The following NKAIN2 variants were observed in gnomAD, a reference collection of about 807,000 sequenced individuals.
NKAIN2 encodes sodium/potassium-transporting ATPase subunit beta-1-interacting protein 2.
In NKAIN2, 14 loss-of-function variants were observed where a neutral mutation model predicts 32.6. The ratio of observed to expected loss-of-function variants is 0.43; its 90% CI spans 0.28 to 0.67. The LOEUF (loss-of-function observed/expected upper bound fraction) is 0.67, where lower values mean the gene tolerates loss of function less well. NKAIN2 is among the 30% of genes least tolerant of loss of function. The pLI is 0.17. For missense variants in NKAIN2, 198 were observed against 258.3 expected (o/e 0.77, Z 1.60); for synonymous variants, 80 against 87.2 (o/e 0.92, Z 0.46).
intron 1 of NKAIN2, among the ~76,000 whole-genome samples, chr6:123,985,964 T>A (rs1779118704): frequency 6.6e-6 from 1 of 152,178 alleles, no homozygotes; most frequent in Admixed American, 6.5e-5. Context: ...CTGGATAGTG[T>A]GTAAGAGGGG....
chr6:124,668,474 A>G (rs1772926788), intron 4 of NKAIN2, among the ~76,000 whole-genome samples: 1 of 152,058 alleles, frequency 6.6e-6, no homozygotes, highest in Non-Finnish European at 1.5e-5. Flanking sequence ...TCTTCTAGCA[A>G]TTCGTCTTTA....
intron 1 of NKAIN2, among the ~76,000 whole-genome samples, chr6:124,252,084 T>C (rs1793713748): frequency 6.6e-6 from 1 of 152,038 alleles, no homozygotes; most frequent in Admixed American, 6.6e-5. Context: ...AGAATATACA[T>C]ATAACGGTAA....
intron 1 of NKAIN2, among the ~76,000 whole-genome samples, chr6:123,885,984 T>G (rs953137453): frequency 2.2e-4 from 33 of 147,546 alleles, no homozygotes; most frequent in African/African-American, 7.7e-4. Context: ...TCCCCCCAAC[T>G]AGAAGAATAC....
intron 3 of NKAIN2, among the ~76,000 whole-genome samples, chr6:124,533,323 T>C (rs2114826026): frequency 6.6e-6 from 1 of 151,836 alleles, no homozygotes; most frequent in East Asian, 2.0e-4. Context: ...TACAAAAAAA[T>C]TAGCCGGGCA....
chr6:123,871,069 C>T (rs1236859004), intron 1 of NKAIN2, among the ~76,000 whole-genome samples: 1 of 152,048 alleles, frequency 6.6e-6, no homozygotes, highest in Non-Finnish European at 1.5e-5. Flanking sequence ...ATTCATTTCC[C>T]ACAACAAGAA....
At chr6:123,986,137 A>G (rs1779124356) in intron 1 of NKAIN2, among the ~76,000 whole-genome samples, 1 of 152,216 alleles carries the variant, frequency 6.6e-6, no homozygotes. Context: ...AACATGCTAC[A>G]GAAAAATAAT....
At chr6:124,572,732 A>G (rs1385313860) in intron 3 of NKAIN2, among the ~76,000 whole-genome samples, 1 of 152,252 alleles carries the variant, frequency 6.6e-6, no homozygotes, top group African/African-American at 2.4e-5. Context: ...ATCAATATCA[A>G]GATATTTTAT....
Position 124,809,033 on chromosome 6 carries a change from A to G in NKAIN2, c.536-9354A>G, listed in dbSNP as rs562930623. Reference sequence around the variant, plus strand: ...CCATGCTCATGGGTAAGAAGAATCAATATGGTGAAAATGGCCATACTGCCC... The same window carrying G: ...CCATGCTCATGGGTAAGAAGAATCAGTATGGTGAAAATGGCCATACTGCCC... On this transcript the variant is annotated intron_variant, in intron 5 of 6. Transcript: ENST00000368417. Among the ~76,000 whole-genome samples, 814 of 152,366 alleles carry G rather than the reference A, an allele frequency of 5.3e-3. 3 individuals are homozygous for G. Among genetic ancestry groups the G allele is most frequent in the African/African-American group, 0.013 (561 of 41,576 alleles).
At chr6:124,239,711 C>T (rs1043358353) in intron 1 of NKAIN2, among the ~76,000 whole-genome samples, 4 of 152,102 alleles carry the variant, frequency 2.6e-5, no homozygotes, top group African/African-American at 9.7e-5. Context: ...AACAAAGACA[C>T]AATGTACTAG....
At chr6:124,610,673 C>T (rs1010147308) in intron 3 of NKAIN2, among the ~76,000 whole-genome samples, 2 of 152,172 alleles carry the variant, frequency 1.3e-5, no homozygotes, top group Non-Finnish European at 2.9e-5. Context: ...GTCCTTATGT[C>T]TCAAATGCAA....
chr6:123,870,616 T>C (rs1282303228), intron 1 of NKAIN2, among the ~76,000 whole-genome samples: 1 of 152,220 alleles, frequency 6.6e-6, no homozygotes, highest in Non-Finnish European at 1.5e-5. Flanking sequence ...TGGAGATATA[T>C]ATTAAACACT....
intron 1 of NKAIN2, among the ~76,000 whole-genome samples, chr6:124,219,635 C>A (rs963427227): frequency 2.0e-5 from 3 of 151,974 alleles, no homozygotes; most frequent in African/African-American, 7.3e-5. Flanking sequence ...AAGATATAAG[C>A]AACAGGTAAA....
intron 4 of NKAIN2, among the ~76,000 whole-genome samples, chr6:124,724,702 T>A (rs1017003457): frequency 1.1e-3 from 164 of 152,348 alleles, no homozygotes; most frequent in African/African-American, 3.6e-3. Flanking sequence ...AGGATGAGGA[T>A]TATGTTTCAT....
At chr6:124,711,544 C>T (rs2114605570) in intron 4 of NKAIN2, among the ~76,000 whole-genome samples, 1 of 150,982 alleles carries the variant, frequency 6.6e-6, no homozygotes, top group African/African-American at 2.4e-5. Flanking sequence ...CTCTAAACTT[C>T]CCTTCTCGCT....
At position 124,623,389 on chromosome 6, in the gene NKAIN2, C is replaced by T. The variant is rs571370450; in HGVS notation, c.274-34797C>T. ...CAGGAAACTCTCTATGCATGTGTGG[C>T]TTATCAGTAGAAAACTAAAATTAAT... On this transcript the variant is annotated intron_variant, in intron 3 of 6. Coordinates refer to ENST00000368417, the MANE Select transcript of NKAIN2 (RefSeq NM_001040214.3). Among the ~76,000 whole-genome samples, 5 of 152,246 alleles carry T rather than the reference C, an allele frequency of 3.3e-5. No homozygotes were observed. The East Asian group carries it at 7.7e-4, about 24-fold the overall frequency.
chr6:124,460,437 A>G (rs1299762538), intron 3 of NKAIN2, among the ~76,000 whole-genome samples: 1 of 151,792 alleles, frequency 6.6e-6, no homozygotes, highest in Non-Finnish European at 1.5e-5. Flanking sequence ...AAATAGTAAC[A>G]TATCTTTGTC....
At chr6:124,470,489 T>C (rs1776928906) in intron 3 of NKAIN2, among the ~76,000 whole-genome samples, 3 of 152,100 alleles carry the variant, frequency 2.0e-5, no homozygotes, top group African/African-American at 7.2e-5. Flanking sequence ...GTGTCAGGAA[T>C]AACTTGCAGG....
intron 3 of NKAIN2, among the ~76,000 whole-genome samples, chr6:124,568,373 C>T (rs542037371): frequency 1.2e-4 from 18 of 152,168 alleles, no homozygotes; most frequent in Admixed American, 5.9e-4. Context: ...TAACAACAGG[C>T]GTGATATAGA....
chr6:124,049,324 A>G (rs1237831713), intron 1 of NKAIN2, among the ~76,000 whole-genome samples: 1 of 152,040 alleles, frequency 6.6e-6, no homozygotes. Context: ...GTATGGAAAC[A>G]TTCCCAAATA....
Sources: allele counts gnomAD v4.1 joint callset (sites outside exome capture counted in the v4.1 genomes callset), GRCh38; gene constraint gnomAD v4.1.1; transcripts MANE v1.5; gene names NCBI Gene and HGNC (gene_info 2026-07-23, HGNC 2026-07-21).